ADAMTS18: variants seen among roughly 807,000 people sequenced by gnomAD.
The protein encoded by ADAMTS18 is A disintegrin and metalloproteinase with thrombospondin motifs 18.
A neutral mutation model predicts 165.9 loss-of-function variants in ADAMTS18; 157 were observed. That is an observed-to-expected ratio of 0.95 (90% CI 0.83 to 1.08). ADAMTS18 has a LOEUF of 1.08. ADAMTS18 is among the 50% of genes least tolerant of loss of function. The pLI, the probability that ADAMTS18 is intolerant of heterozygous loss-of-function variation, is 0.00. For missense variants in ADAMTS18, 2,040 were observed against 1,534.0 expected (o/e 1.33, Z -5.51); for synonymous variants, 782 against 578.2 (o/e 1.35, Z -5.06).
chr16:77,379,381 G>A (rs1253295971), intron 3 of ADAMTS18, among the ~76,000 whole-genome samples: 1 of 152,210 alleles, frequency 6.6e-6, no homozygotes, highest in Non-Finnish European at 1.5e-5. Flanking sequence ...TAAATGAATG[G>A]CTATTGCTGG....
chr16:77,403,326 C>A (rs893980746), intron 3 of ADAMTS18, among the ~76,000 whole-genome samples: 1 of 152,062 alleles, frequency 6.6e-6, no homozygotes, highest in African/African-American at 2.4e-5. Flanking sequence ...CTCATTTAAT[C>A]CACATAATGA....
At chr16:77,356,263 A>C (rs1308510154) in intron 8 of ADAMTS18, among the ~76,000 whole-genome samples, 186 bp from the exon 9 acceptor site, 3 of 152,222 alleles carry the variant, frequency 2.0e-5, no homozygotes, top group African/African-American at 7.2e-5. Context: ...AACTTTAAAA[A>C]TGCTGAGGGC....
At chr16:77,398,613 G>C (rs1272820973) in intron 3 of ADAMTS18, among the ~76,000 whole-genome samples, 1 of 152,116 alleles carries the variant, frequency 6.6e-6, no homozygotes, top group African/African-American at 2.4e-5. Flanking sequence ...TTGACATTTT[G>C]GGTCAGGTAA....
At chr16:77,414,166 G>T (rs2057500630) in intron 3 of ADAMTS18, among the ~76,000 whole-genome samples, 1 of 152,220 alleles carries the variant, frequency 6.6e-6, no homozygotes, top group Non-Finnish European at 1.5e-5. Flanking sequence ...GTATTCAGCT[G>T]AAAACTGCAT....
rs533574719 is a variant in ADAMTS18, at chr16:77,364,513, G to T, written c.779-132C>A. On this transcript the variant is annotated intron_variant, in intron 4 of 22. Coordinates refer to ENST00000282849, the MANE Select transcript of ADAMTS18 (RefSeq NM_199355.4). The stretch of plus-strand genomic sequence containing the variant: ...CACCACCAATCCACTAACAAGTGAT[G>T]CTATCAGTGCCTGCCCAGGTGCCTT... 9.0e-5 allele frequency: 88 copies of T among 979,566 alleles called. No individual in the cohort carries two copies. The African/African-American group carries it at 1.3e-3, about 15-fold the overall frequency. 60.7% of individuals were successfully genotyped at this position (979,566 alleles called of 1,614,324 possible). A position where few individuals can be genotyped will look rare whatever the true frequency, so the allele number is the denominator to read the frequency against.
intron 14 of ADAMTS18, among the ~76,000 whole-genome samples, chr16:77,322,072 T>C (rs563580044): frequency 2.7e-5 from 4 of 146,284 alleles, no homozygotes; most frequent in Admixed American, 7.1e-5. Context: ...GGAGAATCAC[T>C]TGAACCCAGG....
At chr16:77,297,156 T>C in intron 18 of ADAMTS18, 133 bp downstream of exon 18, 2 of 1,343,900 alleles carry the variant, frequency 1.5e-6, no homozygotes, top group Non-Finnish European at 2.1e-6. Context: ...CTTCTATTAC[T>C]TTTTAAAGTA....
At chr16:77,293,508 C>T (rs867594609) in intron 19 of ADAMTS18, among the ~76,000 whole-genome samples, 2 of 151,816 alleles carry the variant, frequency 1.3e-5, no homozygotes, top group South Asian at 4.2e-4. Context: ...AGACTCAACA[C>T]CATGTACTAT....
chr16:77,294,690 C>T (rs933584391), intron 19 of ADAMTS18, among the ~76,000 whole-genome samples: 7 of 152,096 alleles, frequency 4.6e-5, no homozygotes, highest in African/African-American at 1.7e-4. Context: ...CCTAAATGGC[C>T]CCCACACTCC....
chr16:77,360,914 C>A (rs371636267), intron 7 of ADAMTS18, among the ~76,000 whole-genome samples: 22 of 151,932 alleles, frequency 1.4e-4, no homozygotes, highest in African/African-American at 4.3e-4. Context: ...TGGTGAAACC[C>A]GTCTCTACTA....
intron 3 of ADAMTS18, among the ~76,000 whole-genome samples, chr16:77,388,336 G>C (rs2057138458): frequency 1.3e-5 from 2 of 152,294 alleles, no homozygotes; most frequent in South Asian, 2.1e-4. Flanking sequence ...ATGACCTCAA[G>C]TGATCCGCCT....
chr16:77,385,952 C>T (rs1033360538), intron 3 of ADAMTS18, among the ~76,000 whole-genome samples: 3 of 152,210 alleles, frequency 2.0e-5, no homozygotes, highest in African/African-American at 7.2e-5. Context: ...GAAATGGGAT[C>T]TGGGGAGAAC....
intron 3 of ADAMTS18, among the ~76,000 whole-genome samples, chr16:77,401,944 A>C (rs1285574083): frequency 6.6e-6 from 1 of 152,170 alleles, no homozygotes; most frequent in East Asian, 1.9e-4. Flanking sequence ...CCTTGGAGTA[A>C]GAGTTACACC....
intron 21 of ADAMTS18, chr16:77,290,441 G>T (rs955826118): frequency 6.6e-6 from 1 of 151,996 alleles, no homozygotes; most frequent in African/African-American, 2.4e-5. Flanking sequence ...ATTTTAAAAA[G>T]AAATCCCCAG....
chr16:77,411,428 G>A (rs146906390), intron 3 of ADAMTS18, among the ~76,000 whole-genome samples: 197 of 152,286 alleles, frequency 1.3e-3, no homozygotes, highest in Middle Eastern at 0.01. Flanking sequence ...CATATTTCAT[G>A]AGTCAGTAGA....
In ADAMTS18 at chr16:77,283,014, G is replaced by T. The variant is rs560194885; in HGVS notation, c.*942C>A. On this transcript the variant is annotated 3_prime_UTR_variant, in exon 23 of 23. Coordinates refer to ENST00000282849, the MANE Select transcript of ADAMTS18 (RefSeq NM_199355.4). ...GCCTTTAATTTTCCAAGCAGCTCTG[G>T]TAGTATGTACAGAGCATTATAAATG... 2 of 149,986 alleles carry T rather than the reference G, an allele frequency of 1.3e-5. No individual in the cohort carries two copies. Among genetic ancestry groups the T allele is most frequent in the East Asian group, 2.0e-4 (1 of 5,058 alleles). The allele number at this position is 149,986 out of a possible 1,614,324, so 9.3% of individuals were successfully genotyped here. A position where few individuals can be genotyped will look rare whatever the true frequency, so the allele number is the denominator to read the frequency against.
chr16:77,386,301 CTT>C (rs2057107030), intron 3 of ADAMTS18, among the ~76,000 whole-genome samples: 1 of 152,178 alleles, frequency 6.6e-6, no homozygotes, highest in Non-Finnish European at 1.5e-5. Flanking sequence ...CTATACCCAA[CTT>C]GGACTTTAGG....
At chr16:77,348,729 T>C (rs28634341) in intron 10 of ADAMTS18, among the ~76,000 whole-genome samples, 61,790 of 151,958 alleles carry the variant, frequency 0.41, 13,239 homozygotes, top group East Asian at 0.63. Flanking sequence ...TCTCTACCAA[T>C]AGAGGCAAGA....
At chr16:77,305,359 A>T (rs2055662897) in intron 16 of ADAMTS18, among the ~76,000 whole-genome samples, 1 of 151,566 alleles carries the variant, frequency 6.6e-6, no homozygotes, top group Non-Finnish European at 1.5e-5. Flanking sequence ...CCCTGTTCTT[A>T]AAAAAAAATC....
Sources: gnomAD v4.1 joint callset for allele counts (sites outside exome capture counted in the v4.1 genomes callset) on GRCh38, gnomAD v4.1.1 for gene constraint, MANE v1.5 for transcripts, NCBI Gene and HGNC (gene_info 2026-07-23, HGNC 2026-07-21) for gene names.